C6orf163: variants seen among roughly 807,000 people sequenced by gnomAD.
C6orf163 encodes chromosome 6 open reading frame 163.
In C6orf163, 22 loss-of-function variants were observed where a neutral mutation model predicts 28.4. That is an observed-to-expected ratio of 0.78 (90% CI 0.55 to 1.11). The LOEUF is 1.11. Ranked by LOEUF, C6orf163 falls within the 50% of genes least tolerant of loss-of-function variation. The pLI is 0.00. For missense variants in C6orf163, 342 were observed against 389.1 expected (o/e 0.88, Z 1.02); for synonymous variants, 110 against 123.6 (o/e 0.89, Z 0.73).
At chr6:87,345,339 C>A in intron 1 of C6orf163, 92 bp downstream of exon 1, 1 of 1,277,246 alleles carries the variant, frequency 7.8e-7, no homozygotes, top group Non-Finnish European at 1.0e-6. Context: ...GCTTTTTTCT[C>A]TTCAGAGTTG....
rs1777627493 is a variant in C6orf163 at position 87,365,149 on chromosome 6, G to A, written c.743G>A (p.Gly248Asp). ...EAEKTHQATL[G>D]NMMDKLANTQ... is the part of the protein sequence containing the mutation. ...GAGAAAACACATCAGGCCACTCTTG[G>A]CAATATGATGGATAAACTGGCTAAC... The change falls in exon 5 of 5, where the codon GGC becomes GAC. Residue 248 changes from glycine (G) to aspartate (D), a missense_variant. Transcript: ENST00000388923. 6 of 1,551,772 alleles carry A rather than the reference G, an allele frequency of 3.9e-6. No homozygotes were observed. The South Asian group carries it at 7.1e-5, about 18-fold the overall frequency.
At chr6:87,348,296 T>C in intron 1 of C6orf163, 1 of 985,370 alleles carries the variant, frequency 1.0e-6, no homozygotes, top group African/African-American at 1.7e-5. Flanking sequence ...TCAAATTAGA[T>C]CATTGACAGA....
intron 3 of C6orf163, among the ~76,000 whole-genome samples, chr6:87,353,476 C>CA (rs1426016132): frequency 1.3e-5 from 2 of 151,396 alleles, no homozygotes; most frequent in African/African-American, 2.4e-5. Flanking sequence ...CACTTTGTGC[C>CA]AAAAAAATTC....
At chr6:87,348,943 T>C in intron 2 of C6orf163, 37 bp downstream of exon 2, 1 of 1,533,926 alleles carries the variant, frequency 6.5e-7, no homozygotes. Flanking sequence ...AGTCCATCTT[T>C]ACCGTTCTTT....
rs928257074 is a variant in C6orf163, at chr6:87,356,451, GC to G, written c.504del (p.Arg169GlyfsTer24). ...AGAGAAGGTCGAAGCTGTGGAGAAA[GC>G]CAGGGCTGAAGAAAGACACATCGCC... Reference protein sequence around the residue: ...HREKVEAVEKARAEERHIAQE... With the variant: ...HREKVEAVEKXRAEERHIAQE... On this transcript the variant is annotated frameshift_variant, in exon 4 of 5. Transcript: ENST00000388923. LOFTEE classifies it high-confidence loss of function. 4.5e-6 allele frequency: 7 copies of G among 1,551,638 alleles called. No homozygotes were observed. In the African/African-American group the frequency reaches 9.6e-5, roughly 21 times the overall value.
chr6:87,350,816 T>C (rs903217613), intron 3 of C6orf163, among the ~76,000 whole-genome samples: 1 of 152,224 alleles, frequency 6.6e-6, no homozygotes, highest in South Asian at 2.1e-4. Context: ...AATAAATGAT[T>C]GTGTGGTTAG....
At chr6:87,362,626 G>A (rs1178535071) in intron 4 of C6orf163, among the ~76,000 whole-genome samples, 2 of 152,174 alleles carry the variant, frequency 1.3e-5, no homozygotes, top group Admixed American at 6.5e-5. Flanking sequence ...AGCTTAGTTG[G>A]TGGGAAAAGG....
chr6:87,356,180 A>G, intron 3 of C6orf163, 121 bp from the exon 4 acceptor site: 1 of 800,822 alleles, frequency 1.2e-6, no homozygotes, highest in Non-Finnish European at 2.0e-6. Context: ...CTTTTAAATC[A>G]TCAGTGTTAA....
At chr6:87,360,926 C>T (rs973240155) in intron 4 of C6orf163, among the ~76,000 whole-genome samples, 1 of 152,102 alleles carries the variant, frequency 6.6e-6, no homozygotes, top group African/African-American at 2.4e-5. Flanking sequence ...TGCACCCCAC[C>T]CCACTCCTGG....
chr6:87,361,223 T>C (rs1239780164), intron 4 of C6orf163, among the ~76,000 whole-genome samples: 1 of 152,038 alleles, frequency 6.6e-6, no homozygotes, highest in Admixed American at 6.6e-5. Context: ...AGGCAGAGTT[T>C]GCATGAGCCA....
chr6:87,350,376 G>C lies in C6orf163; in HGVS notation c.244-18G>C, dbSNP rs904775699. ...TATTCTGATACATTAATAGATAAAT[G>C]GACTCTTTCTTTCAAAGGCTAATGA... On this transcript the variant is annotated intron_variant, in intron 2 of 4. Coordinates refer to ENST00000388923, the MANE Select transcript of C6orf163 (RefSeq NM_001010868.3). 3 of 1,444,586 alleles carry C rather than the reference G, an allele frequency of 2.1e-6. No individual in the cohort carries two copies. Among genetic ancestry groups the C allele is most frequent in the Admixed American group, 2.0e-5 (1 of 49,256 alleles). The allele number at this position is 1,444,586 out of a possible 1,614,324, so 89.5% of individuals were successfully genotyped here.
At chr6:87,355,093 C>A (rs1407647977) in intron 3 of C6orf163, among the ~76,000 whole-genome samples, 1 of 152,236 alleles carries the variant, frequency 6.6e-6, no homozygotes, top group Non-Finnish European at 1.5e-5. Context: ...CTATATCTTA[C>A]AAGACTGTAC....
intron 3 of C6orf163, among the ~76,000 whole-genome samples, chr6:87,353,068 G>C (rs1224120930): frequency 1.3e-5 from 2 of 152,014 alleles, no homozygotes; most frequent in Non-Finnish European, 2.9e-5. Context: ...ATAATTTTTG[G>C]AGCTTTAAAT....
chr6:87,350,178 A>G (rs530592892), intron 2 of C6orf163, among the ~76,000 whole-genome samples: 1 of 152,358 alleles, frequency 6.6e-6, no homozygotes, highest in East Asian at 1.9e-4. Context: ...CAGCAAGGCT[A>G]GCTCTGGATT....
intron 3 of C6orf163, among the ~76,000 whole-genome samples, chr6:87,354,153 C>CTT (rs1321933756): frequency 4.6e-5 from 7 of 152,286 alleles, no homozygotes; most frequent in African/African-American, 9.6e-5. Context: ...GCCACCACAC[C>CTT]CAGCAGGGTT....
chr6:87,347,331 C>A, intron 1 of C6orf163: 1 of 920,896 alleles, frequency 1.1e-6, no homozygotes, highest in Non-Finnish European at 1.3e-6. Flanking sequence ...TTAAAAAAAG[C>A]TTTGCAGGGA....
chr6:87,348,918 T>TA lies in C6orf163; in HGVS notation c.243+13dup. The TA allele has an allele frequency of 5.2e-6, 8 of 1,535,976 alleles. No individual in the cohort carries two copies. Among genetic ancestry groups the TA allele is most frequent in the Non-Finnish European group, 7.0e-6 (8 of 1,146,626 alleles). ...AAGTATGGGCTCAGGTAAAAGAAGT[T>TA]ACATGTCAACCTAAAGTCCATCTTT... On this transcript the variant is annotated intron_variant, in intron 2 of 4. Transcript: ENST00000388923.
intron 3 of C6orf163, among the ~76,000 whole-genome samples, chr6:87,352,324 C>G (rs1424300790): frequency 6.6e-6 from 1 of 152,176 alleles, no homozygotes; most frequent in Non-Finnish European, 1.5e-5. Flanking sequence ...ATACAGATTC[C>G]TGGGCCTCAT....
chr6:87,350,381 C>A lies in C6orf163; in HGVS notation c.244-13C>A. On this transcript the variant is annotated splice_polypyrimidine_tract_variant and intron_variant, in intron 2 of 4. Coordinates refer to ENST00000388923, the MANE Select transcript of C6orf163 (RefSeq NM_001010868.3). ...TGATACATTAATAGATAAATGGACTCTTTCTTTCAAAGGCTAATGAACGTC... is the reference window on the plus strand; with the variant it reads ...TGATACATTAATAGATAAATGGACTATTTCTTTCAAAGGCTAATGAACGTC... The A allele has an allele frequency of 1.3e-6, 2 of 1,487,750 alleles. No homozygotes were observed. The highest frequency in any genetic ancestry group is 9.0e-7 in the Non-Finnish European group (1 of 1,105,334). 92.2% of individuals were successfully genotyped at this position (1,487,750 alleles called of 1,614,324 possible).
Sources: gnomAD v4.1 joint callset for allele counts (sites outside exome capture counted in the v4.1 genomes callset) on GRCh38, gnomAD v4.1.1 for gene constraint, MANE v1.5 for transcripts, NCBI Gene and HGNC (gene_info 2026-07-23, HGNC 2026-07-21) for gene names.